The following DEAF1 variants were observed in gnomAD, a reference collection of about 807,000 sequenced individuals.
DEAF1 encodes deformed epidermal autoregulatory factor 1 homolog.
A neutral mutation model predicts 58.9 loss-of-function variants in DEAF1; 53 were observed. That is an observed-to-expected ratio of 0.90 (90% CI 0.72 to 1.13). DEAF1 has a LOEUF of 1.13. DEAF1 is among the 50% of genes most tolerant of loss of function. The pLI, the probability that DEAF1 is intolerant of heterozygous loss-of-function variation, is 0.00. For synonymous variants in DEAF1, 385 were observed against 340.4 expected, an observed-to-expected ratio of 1.13 and a Z score of -1.44; for missense variants, 685 against 791.4, an observed-to-expected ratio of 0.87 and a Z score of 1.61.
intron 9 of DEAF1, among the ~76,000 whole-genome samples, chr11:676,741 T>C (rs1860097345): frequency 6.6e-6 from 1 of 152,126 alleles, no homozygotes. Flanking sequence ...TGACCTCAGG[T>C]GATCCACCCG....
Position 679,755 on chromosome 11 carries a change from G to A in DEAF1, c.1059C>T (p.Ser353=), listed in dbSNP as rs755555309. 8.7e-6 allele frequency: 14 copies of A among 1,613,782 alleles called. No individual in the cohort carries two copies. The highest frequency in any genetic ancestry group is 1.7e-5 in the Admixed American group (1 of 60,010). ...TSGALTFDRA[S]TVEATAVISE... ...ATATGACAGCAGTGGCCTCTACCGT[G>A]GACGCTCGGTCAAAGGTCAGTGCCC... Residue 353 remains serine (S), a synonymous_variant, in exon 8 of 12, where the codon TCC becomes TCT. Coordinates refer to ENST00000382409, the MANE Select transcript of DEAF1 (RefSeq NM_021008.4).
chr11:699,029 T>C (rs1861326465), upstream of DEAF1: 1 of 980,566 alleles, frequency 1.0e-6, no homozygotes, highest in Non-Finnish European at 1.6e-6. Context: ...CCTTGACAGA[T>C]TTAGAGAGTT....
chr11:695,244 C>A, upstream of DEAF1: 1 of 493,644 alleles, frequency 2.0e-6, no homozygotes, highest in Admixed American at 4.5e-5. Flanking sequence ...GGAGCCGAGG[C>A]GAACAGAGGC....
chr11:684,613 A>G (rs1476937801), intron 6 of DEAF1, among the ~76,000 whole-genome samples: 2 of 152,226 alleles, frequency 1.3e-5, no homozygotes, highest in African/African-American at 4.8e-5. Context: ...TTAGTTTTAG[A>G]GTTAAGGCGG....
intron 10 of DEAF1, among the ~76,000 whole-genome samples, chr11:666,943 A>T (rs1251611847): frequency 6.6e-6 from 1 of 152,010 alleles, no homozygotes; most frequent in Non-Finnish European, 1.5e-5. Context: ...TCATGCTGGT[A>T]ATCCCAGTAC....
At chr11:694,454 G>T in intron 1 of DEAF1, 1 of 295,186 alleles carries the variant, frequency 3.4e-6, no homozygotes, top group East Asian at 5.8e-5. Context: ...GGCAGGTGGG[G>T]CAGGCTGGTC....
intron 8 of DEAF1, 45 bp downstream of exon 8, chr11:679,643 A>C (rs776536209): frequency 1.9e-6 from 3 of 1,605,018 alleles, no homozygotes; most frequent in East Asian, 4.5e-5. Context: ...TGTCACAGAC[A>C]GGGATATGCT....
At chr11:673,337 G>C (rs912972185) in intron 10 of DEAF1, among the ~76,000 whole-genome samples, 6 of 151,918 alleles carry the variant, frequency 3.9e-5, no homozygotes, top group Non-Finnish European at 8.8e-5. Flanking sequence ...GATCAGCCTG[G>C]GCAACATGGT....
At chr11:652,847 G>A (rs1858841289) in intron 11 of DEAF1, among the ~76,000 whole-genome samples, 1 of 152,068 alleles carries the variant, frequency 6.6e-6, no homozygotes, top group Non-Finnish European at 1.5e-5. Flanking sequence ...ACTTTGGGAG[G>A]CCAAGGTGGG....
chr11:660,462 G>A (rs1017647991), intron 10 of DEAF1, among the ~76,000 whole-genome samples: 6 of 152,176 alleles, frequency 3.9e-5, no homozygotes, highest in Non-Finnish European at 7.3e-5. Flanking sequence ...CCCCGCCGGC[G>A]CCGCCTCACC....
intron 11 of DEAF1, chr11:651,507 GATAATT>G: frequency 3.9e-6 from 1 of 253,834 alleles, no homozygotes; most frequent in Non-Finnish European, 7.6e-6. Context: ...CATCAGGAAT[GATAATT>G]ATAAACTAAA....
At chr11:692,712 C>T (rs1478356148) in intron 1 of DEAF1, among the ~76,000 whole-genome samples, 4 of 152,098 alleles carry the variant, frequency 2.6e-5, no homozygotes, top group East Asian at 3.8e-4. Context: ...ATTAGCCGGG[C>T]GTGGTGGCAC....
intron 10 of DEAF1, among the ~76,000 whole-genome samples, chr11:671,826 T>TAAAA (rs35325757): frequency 1.6e-5 from 1 of 63,662 alleles, no homozygotes; most frequent in Non-Finnish European, 2.8e-5. Context: ...CCTTACCTCT[T>TAAAA]AAAAAAAAAA....
At chr11:695,854 CGG>C, upstream of DEAF1, 2 of 1,230,698 alleles carry the variant, frequency 1.6e-6, no homozygotes, top group Non-Finnish European at 2.0e-6. Context: ...GAGGTGAGCT[CGG>C]GCGGGGTGGG....
chr11:694,042 G>A (rs1860967943), intron 1 of DEAF1, among the ~76,000 whole-genome samples: 1 of 152,186 alleles, frequency 6.6e-6, no homozygotes, highest in African/African-American at 2.4e-5. Context: ...TGGCTCCCCA[G>A]CGCTCAGGTC....
At chr11:651,344 A>G (rs1280853179) in intron 11 of DEAF1, 1 of 322,402 alleles carries the variant, frequency 3.1e-6, no homozygotes. Flanking sequence ...GGAGGCTGAC[A>G]TGGGAGGATC....
At chr11:695,330 C>T (rs1260272239), upstream of DEAF1, 5 of 445,536 alleles carry the variant, frequency 1.1e-5, no homozygotes, top group Admixed American at 4.4e-5. Context: ...GTCGAAGTTC[C>T]CCGAAGTGGG....
intron 10 of DEAF1, chr11:674,188 G>A (rs1348456023): frequency 2.9e-6 from 1 of 348,426 alleles, no homozygotes; most frequent in Non-Finnish European, 5.6e-6. Context: ...AATAGATGAT[G>A]TTCTCCAAAC....
chr11:687,902 A>G lies in DEAF1; in HGVS notation c.664+9T>C, dbSNP rs1346368824. On this transcript the variant is annotated intron_variant, in intron 4 of 11. Transcript: ENST00000382409. ...ATACAACTTTGGAGTCTGAAGTGGC[A>G]GTCCTCACCTGAGCCGAGCCTGTTC... The G allele has an allele frequency of 6.2e-7, 1 of 1,614,054 alleles. No individual in the cohort carries two copies. Among genetic ancestry groups the G allele is most frequent in the African/African-American group, 1.3e-5 (1 of 75,034 alleles).
Sources: allele counts gnomAD v4.1 joint callset (sites outside exome capture counted in the v4.1 genomes callset), GRCh38; gene constraint gnomAD v4.1.1; transcripts MANE v1.5; gene names NCBI Gene and HGNC (gene_info 2026-07-23, HGNC 2026-07-21).